FHOD3: variants seen among roughly 807,000 people sequenced by gnomAD.
FHOD3 encodes FH1/FH2 domain-containing protein 3.
In FHOD3, 90 loss-of-function variants were observed where a neutral mutation model predicts 173.0. That is an observed-to-expected ratio of 0.52 (90% CI 0.44 to 0.62). The LOEUF is 0.62. Among genes scored for constraint, FHOD3 ranks in the 20% least tolerant of loss-of-function variants. The pLI is 0.00. For synonymous variants in FHOD3, 828 were observed against 823.0 expected (o/e 1.01, Z -0.10); for missense variants, 1,945 against 2,034.7 (o/e 0.96, Z 0.85).
chr18:36,755,259 A>G lies in FHOD3; in HGVS notation c.4373A>G (p.Lys1458Arg). 1 of 1,612,352 alleles carries G rather than the reference A, an allele frequency of 6.2e-7. No individual in the cohort carries two copies. The highest frequency in any genetic ancestry group is 8.5e-7 in the Non-Finnish European group (1 of 1,179,156). The change falls in exon 25 of 29, where the codon AAA (lysine) becomes AGA (arginine). Residue 1458 changes from lysine to arginine, a missense_variant. Around this residue, in one of 5 missense-constraint regions of FHOD3, gnomAD observed 354 missense variants for 359.9 expected, o/e 0.98. Coordinates refer to ENST00000590592, the MANE Select transcript of FHOD3 (RefSeq NM_001281740.3). ...GAAAGGGTTTTGCAGCAGAAACAGA[A>G]ACGGGCCAACCACAGAGAGAGAAAT... is the stretch of plus-strand genomic sequence containing the variant. ...TRERVLQQKQ[K>R]RANHRERNKT...
intron 10 of FHOD3, among the ~76,000 whole-genome samples, chr18:36,639,308 G>A (rs1272356979): frequency 6.6e-6 from 1 of 152,098 alleles, no homozygotes; most frequent in Non-Finnish European, 1.5e-5. Context: ...TTGGGAGGCC[G>A]AGGTGGGTGG....
At chr18:36,513,786 G>A (rs555279682) in intron 5 of FHOD3, among the ~76,000 whole-genome samples, 107 of 151,932 alleles carry the variant, frequency 7.0e-4, no homozygotes, top group Non-Finnish European at 1.4e-3. Context: ...AAAAATTAAG[G>A]TTGTCTTTTC....
chr18:36,477,532 CACCCACCCACCCACCTACCT>C (rs2053641752), intron 3 of FHOD3, among the ~76,000 whole-genome samples: 1 of 59,694 alleles, frequency 1.7e-5, no homozygotes, highest in South Asian at 8.0e-4. Context: ...TCCATCCACC[CACCCACCCACCCACCTACCT>C]ACCTACCTAC....
chr18:36,614,839 G>A (rs1048779283), intron 9 of FHOD3, among the ~76,000 whole-genome samples: 2 of 116,872 alleles, frequency 1.7e-5, no homozygotes, highest in African/African-American at 6.7e-5. Context: ...TTTTTTAATT[G>A]ATTTTTTTTT....
chr18:36,500,998 C>T (rs62082318), intron 3 of FHOD3, among the ~76,000 whole-genome samples: 13,150 of 152,194 alleles, frequency 0.086, 701 homozygotes, highest in Non-Finnish European at 0.11. Context: ...TTCAGCACCT[C>T]GCAGCACCAT....
rs751579884 is a variant in FHOD3 at position 36,358,174 on chromosome 18, CTG to C, written c.272+2532_272+2533del. Among the ~76,000 whole-genome samples the C allele has an allele frequency of 3.0e-4, 45 of 152,362 alleles. 1 individual carries two copies. Among genetic ancestry groups the C allele is most frequent in the South Asian group, 1.0e-3 (5 of 4,826 alleles). On this transcript the variant is annotated intron_variant, in intron 2 of 28. Coordinates refer to ENST00000590592, the MANE Select transcript of FHOD3 (RefSeq NM_001281740.3). ...ACACAGATGTGACCAATTCCCAAGA[CTG>C]TGCTCTTCTGCCATCCCAGGGGCTT...
At chr18:36,652,448 C>T (rs1057311655) in intron 11 of FHOD3, 122 bp from the exon 12 acceptor site, 2 of 1,238,688 alleles carry the variant, frequency 1.6e-6, no homozygotes, top group Middle Eastern at 2.8e-4. Context: ...CACAGCTTGA[C>T]TTTGAAGTGA....
intron 8 of FHOD3, among the ~76,000 whole-genome samples, chr18:36,604,019 T>C (rs1190900456): frequency 1.3e-5 from 2 of 152,118 alleles, no homozygotes; most frequent in African/African-American, 2.4e-5. Flanking sequence ...TCCTGTTGCG[T>C]CCCTCCCTGA....
At chr18:36,676,704 C>T (rs1488846633) in intron 14 of FHOD3, among the ~76,000 whole-genome samples, 1 of 152,050 alleles carries the variant, frequency 6.6e-6, no homozygotes, top group Non-Finnish European at 1.5e-5. Flanking sequence ...TTTGTCAATC[C>T]ATAATCTGAT....
chr18:36,349,935 T>TTTTG (rs779606227), intron 1 of FHOD3, among the ~76,000 whole-genome samples: 35 of 152,120 alleles, frequency 2.3e-4, no homozygotes, highest in African/African-American at 7.7e-4. Flanking sequence ...CCCGGCTAAT[T>TTTTG]TTTGTTTGTT....
intron 5 of FHOD3, among the ~76,000 whole-genome samples, chr18:36,522,537 A>T (rs761622255): frequency 6.6e-6 from 1 of 152,210 alleles, no homozygotes; most frequent in South Asian, 2.1e-4. Flanking sequence ...GCAAATATGG[A>T]TTATACTGTA....
intron 5 of FHOD3, among the ~76,000 whole-genome samples, chr18:36,533,495 G>A (rs2056871085): frequency 6.6e-6 from 1 of 152,256 alleles, no homozygotes; most frequent in Admixed American, 6.5e-5. Context: ...TGGATGGTGA[G>A]TTGTGGTGCT....
At chr18:36,514,033 G>T (rs1411815608) in intron 5 of FHOD3, among the ~76,000 whole-genome samples, 1 of 29,010 alleles carries the variant, frequency 3.4e-5, no homozygotes, top group Non-Finnish European at 8.0e-5. Context: ...TTTTGAGATG[G>T]AGTCTTGCTC....
chr18:36,308,178 A>G (rs1011224957), intron 1 of FHOD3, among the ~76,000 whole-genome samples: 4 of 152,248 alleles, frequency 2.6e-5, no homozygotes, highest in African/African-American at 9.6e-5. Context: ...TAAGGAAAAT[A>G]CAGATAGTGC....
At chr18:36,348,679 C>A (rs551298109) in intron 1 of FHOD3, among the ~76,000 whole-genome samples, 1 of 152,270 alleles carries the variant, frequency 6.6e-6, no homozygotes, top group African/African-American at 2.4e-5. Context: ...GCTCCAGGCT[C>A]TGTTTGGGCT....
At chr18:36,345,048 G>A (rs62084131) in intron 1 of FHOD3, among the ~76,000 whole-genome samples, 30,282 of 152,080 alleles carry the variant, frequency 0.2, 3,252 homozygotes, top group South Asian at 0.34. Flanking sequence ...ATTCACAGTT[G>A]TATGCCTCTC....
intron 5 of FHOD3, among the ~76,000 whole-genome samples, chr18:36,572,620 T>G (rs2058492003): frequency 6.6e-6 from 1 of 152,226 alleles, no homozygotes; most frequent in South Asian, 2.1e-4. Flanking sequence ...GTTAATAGAA[T>G]GTTGCGGGGA....
intron 3 of FHOD3, among the ~76,000 whole-genome samples, chr18:36,416,476 A>G (rs550028197): frequency 1.3e-5 from 2 of 152,354 alleles, no homozygotes; most frequent in South Asian, 4.1e-4. Flanking sequence ...TGCCTCAGAC[A>G]CAGTTGCCTG....
chr18:36,771,085 T>A (rs1339997590), intron 28 of FHOD3, among the ~76,000 whole-genome samples: 1 of 152,208 alleles, frequency 6.6e-6, no homozygotes, highest in Admixed American at 6.5e-5. Context: ...TGTCTCCTGG[T>A]GCACTTGTGA....
Sources: gnomAD v4.1 joint callset for allele counts (sites outside exome capture counted in the v4.1 genomes callset) on GRCh38, gnomAD v4.1.1 for gene constraint, gnomAD v4.1.1 regional missense constraint, MANE v1.5 for transcripts, NCBI Gene and HGNC (gene_info 2026-07-23, HGNC 2026-07-21) for gene names.